The following HTR7 variants were observed in gnomAD, a reference collection of about 807,000 sequenced individuals.
HTR7 encodes 5-hydroxytryptamine receptor 7.
Under a neutral mutation model 34.0 loss-of-function variants are expected in HTR7, and 16 were observed. That is an observed-to-expected ratio of 0.47 (90% CI 0.32 to 0.71). HTR7 has a LOEUF of 0.71. Among genes scored for constraint, HTR7 ranks in the 30% least tolerant of loss-of-function variants. The pLI, the probability that HTR7 is intolerant of heterozygous loss-of-function variation, is 0.04. For missense variants in HTR7, 504 were observed against 625.5 expected (o/e 0.81, Z 2.07); for synonymous variants, 265 against 260.2 (o/e 1.02, Z -0.18).
intron 1 of HTR7, among the ~76,000 whole-genome samples, chr10:90,820,798 C>T (rs1845967315): frequency 6.6e-6 from 1 of 152,100 alleles, no homozygotes; most frequent in Admixed American, 6.5e-5. Context: ...TGCTTTTGAA[C>T]CACTAAAAAG....
chr10:90,812,373 A>G (rs1845826093), intron 1 of HTR7, among the ~76,000 whole-genome samples: 1 of 152,142 alleles, frequency 6.6e-6, no homozygotes, highest in Non-Finnish European at 1.5e-5. Context: ...TCCTGGTGCT[A>G]TCCCCAAACT....
At position 90,812,784 on chromosome 10, in the gene HTR7, T is replaced by C. The variant is rs1589462160; in HGVS notation, c.539+44349A>G. 2.6e-5 allele frequency among the ~76,000 whole-genome samples: 4 copies of C among 152,312 alleles called. No individual in the cohort carries two copies. In the South Asian group the frequency reaches 8.3e-4, roughly 32 times the overall value. ...ACTTCAACACTATTTTGTTTTATTT[T>C]TCTTATTAATATAAGAAGGCAGGAA... On this transcript the variant is annotated intron_variant, in intron 1 of 3. Coordinates refer to ENST00000336152, the MANE Select transcript of HTR7 (RefSeq NM_019859.4).
chr10:90,774,498 G>C (rs545536161), intron 1 of HTR7, among the ~76,000 whole-genome samples: 2 of 152,174 alleles, frequency 1.3e-5, no homozygotes, highest in Admixed American at 1.3e-4. Context: ...ATAATTTGGA[G>C]GCTGCTTCAT....
intron 1 of HTR7, among the ~76,000 whole-genome samples, chr10:90,844,382 G>A (rs7084468): frequency 0.25 from 38,336 of 151,894 alleles, 5,719 homozygotes; most frequent in African/African-American, 0.41. Flanking sequence ...GGTGACTCTG[G>A]TATGCAGATG....
chr10:90,806,368 G>A (rs1845706563), intron 1 of HTR7, among the ~76,000 whole-genome samples: 1 of 152,190 alleles, frequency 6.6e-6, no homozygotes, highest in Non-Finnish European at 1.5e-5. Context: ...GGAGGCTGAG[G>A]TGGGCGGATC....
At chr10:90,802,626 T>C (rs574396580) in intron 1 of HTR7, among the ~76,000 whole-genome samples, 4 of 152,338 alleles carry the variant, frequency 2.6e-5, no homozygotes, top group South Asian at 2.1e-4. Context: ...GAATCCGTAA[T>C]AGCGTTATAG....
intron 1 of HTR7, among the ~76,000 whole-genome samples, chr10:90,811,189 C>T (rs1291629473): frequency 2.6e-5 from 4 of 152,276 alleles, no homozygotes; most frequent in South Asian, 4.1e-4. Flanking sequence ...ACACAAGGAC[C>T]GGGATCGCGT....
intron 2 of HTR7, among the ~76,000 whole-genome samples, chr10:90,744,574 T>G (rs1844605706): frequency 1.1e-5 from 1 of 87,242 alleles, no homozygotes; most frequent in African/African-American, 4.5e-5. Context: ...GGTACTTCTT[T>G]GTTGGGGGGT....
At chr10:90,767,656 T>C (rs557225347) in intron 1 of HTR7, among the ~76,000 whole-genome samples, 8 of 152,166 alleles carry the variant, frequency 5.3e-5, no homozygotes, top group Non-Finnish European at 7.3e-5. Context: ...AGGCTGACCC[T>C]TAAGAGATGT....
intron 1 of HTR7, among the ~76,000 whole-genome samples, chr10:90,822,353 T>C (rs559004504): frequency 1.3e-5 from 2 of 152,340 alleles, no homozygotes; most frequent in African/African-American, 4.8e-5. Context: ...GCATTGTGCC[T>C]ACCCCTGCCC....
At chr10:90,759,783 AAAT>A (rs1348814586) in intron 1 of HTR7, among the ~76,000 whole-genome samples, 1 of 152,240 alleles carries the variant, frequency 6.6e-6, no homozygotes, top group Non-Finnish European at 1.5e-5. Context: ...TACAAAGTAA[AAAT>A]AATATAAGCC....
chr10:90,786,238 C>T (rs1020761566), intron 1 of HTR7, among the ~76,000 whole-genome samples: 1 of 152,226 alleles, frequency 6.6e-6, no homozygotes, highest in African/African-American at 2.4e-5. Context: ...CCCTAACACT[C>T]AGTAAATGCC....
chr10:90,806,141 T>G (rs1485070614), intron 1 of HTR7, among the ~76,000 whole-genome samples: 1 of 152,146 alleles, frequency 6.6e-6, no homozygotes, highest in Non-Finnish European at 1.5e-5. Context: ...AAAGAAAAAG[T>G]AAATTTGTCT....
At chr10:90,748,029 C>A (rs970157180) in intron 2 of HTR7, among the ~76,000 whole-genome samples, 1 of 152,152 alleles carries the variant, frequency 6.6e-6, no homozygotes, top group Non-Finnish European at 1.5e-5. Context: ...TTTTCAGATC[C>A]CAAGAACCTA....
intron 2 of HTR7, among the ~76,000 whole-genome samples, chr10:90,745,607 T>C (rs1564666936): frequency 6.6e-6 from 1 of 152,352 alleles, no homozygotes; most frequent in Middle Eastern, 3.4e-3. Context: ...GCAGCCATAT[T>C]AGAAATTTCC....
intron 1 of HTR7, among the ~76,000 whole-genome samples, chr10:90,757,456 G>A (rs375056174): frequency 1.3e-5 from 2 of 152,142 alleles, no homozygotes; most frequent in Admixed American, 6.5e-5. Flanking sequence ...TGAGCTTAGC[G>A]GGATGTTGTC....
chr10:90,840,177 T>TCA (rs35170324), intron 1 of HTR7, among the ~76,000 whole-genome samples: 3,321 of 136,822 alleles, frequency 0.024, 47 homozygotes, highest in East Asian at 0.056. Flanking sequence ...TCTCTCTCTC[T>TCA]CACACACACA....
At chr10:90,856,262 A>G (rs1447995075) in intron 1 of HTR7, among the ~76,000 whole-genome samples, 1 of 152,246 alleles carries the variant, frequency 6.6e-6, no homozygotes, top group African/African-American at 2.4e-5. Flanking sequence ...GAGTTGTTTT[A>G]GGCCAAAGAG....
At chr10:90,797,169 GT>G (rs527753326) in intron 1 of HTR7, among the ~76,000 whole-genome samples, 3 of 152,014 alleles carry the variant, frequency 2.0e-5, no homozygotes, top group Admixed American at 6.6e-5. Flanking sequence ...AAATTTCTAG[GT>G]TTTTTTCATT....
Sources: gnomAD v4.1 joint callset for allele counts (sites outside exome capture counted in the v4.1 genomes callset) on GRCh38, gnomAD v4.1.1 for gene constraint, MANE v1.5 for transcripts, NCBI Gene and HGNC (gene_info 2026-07-23, HGNC 2026-07-21) for gene names.